The following CYTH1 variants were observed in gnomAD, a reference collection of about 807,000 sequenced individuals.
CYTH1 encodes cytohesin-1.
Under a neutral mutation model 61.8 loss-of-function variants are expected in CYTH1, and 18 were observed. That is an observed-to-expected ratio of 0.29 (90% CI 0.20 to 0.43). The LOEUF (loss-of-function observed/expected upper bound fraction) is 0.43. Among genes scored for constraint, CYTH1 ranks in the 20% least tolerant of loss-of-function variants. CYTH1 has a pLI of 1.00. For missense variants in CYTH1, 336 were observed against 510.5 expected, an observed-to-expected ratio of 0.66 and a Z score of 3.29; for synonymous variants, 174 against 184.3, an observed-to-expected ratio of 0.94 and a Z score of 0.45.
chr17:78,779,556 A>C (rs1277617137), intron 1 of CYTH1, among the ~76,000 whole-genome samples: 2 of 152,194 alleles, frequency 1.3e-5, no homozygotes, highest in Non-Finnish European at 2.9e-5. Flanking sequence ...AAGGGGAATT[A>C]AGGTAACAGA....
intron 1 of CYTH1, among the ~76,000 whole-genome samples, chr17:78,779,023 A>C (rs2093505368): frequency 1.3e-5 from 2 of 152,238 alleles, no homozygotes; most frequent in African/African-American, 2.4e-5. Flanking sequence ...ACCATCAGGT[A>C]CTTTTTGTGT....
intron 11 of CYTH1, chr17:78,691,948 C>CCG (rs2092890850): frequency 6.5e-6 from 1 of 154,080 alleles, no homozygotes. Flanking sequence ...CACTTCACTT[C>CCG]CTTTTCCCCC....
intron 11 of CYTH1, among the ~76,000 whole-genome samples, chr17:78,685,924 C>T (rs186777817): frequency 1.6e-4 from 25 of 152,276 alleles, no homozygotes; most frequent in East Asian, 7.7e-4. Context: ...TCCAACAGAA[C>T]GACCAGACAC....
chr17:78,723,553 C>G (rs993635271), intron 1 of CYTH1: 9 of 152,406 alleles, frequency 5.9e-5, no homozygotes, highest in African/African-American at 2.2e-4. Context: ...CCCTAGCAGA[C>G]GCTCCGAGTG....
At chr17:78,732,028 G>C (rs1296198218) in intron 1 of CYTH1, among the ~76,000 whole-genome samples, 1 of 152,188 alleles carries the variant, frequency 6.6e-6, no homozygotes, top group African/African-American at 2.4e-5. Flanking sequence ...GAAGCACAGG[G>C]AGGGGTGGAT....
intron 1 of CYTH1, chr17:78,727,982 G>T (rs2093275210): frequency 3.8e-6 from 1 of 263,594 alleles, no homozygotes; most frequent in Non-Finnish European, 7.9e-6. Context: ...TGAGAGGGCA[G>T]TGAGTCCCTG....
intron 6 of CYTH1, among the ~76,000 whole-genome samples, chr17:78,701,302 A>C (rs1271337585): frequency 6.6e-6 from 1 of 152,256 alleles, no homozygotes; most frequent in Non-Finnish European, 1.5e-5. Context: ...GATTTAATAA[A>C]AAATTAAGGT....
chr17:78,675,982 G>T lies in CYTH1; in HGVS notation c.*109C>A. 6.5e-7 allele frequency: 1 copy of T among 1,549,378 alleles called. No homozygotes were observed. Among genetic ancestry groups the T allele is most frequent in the Non-Finnish European group, 8.7e-7 (1 of 1,146,038 alleles). Reference sequence around the variant, plus strand: ...CTGAAGCTAGTCTCTAGGAATCCAGGGCGGGGCCTGGCAGAGGACGCTCTG... The same window carrying T: ...CTGAAGCTAGTCTCTAGGAATCCAGTGCGGGGCCTGGCAGAGGACGCTCTG... On this transcript the variant is annotated 3_prime_UTR_variant, in exon 14 of 14. Coordinates refer to ENST00000446868, the MANE Select transcript of CYTH1 (RefSeq NM_004762.6).
At chr17:78,698,214 C>T (rs1018830937) in intron 9 of CYTH1, 55 bp downstream of exon 9, 8 of 1,439,052 alleles carry the variant, frequency 5.6e-6, no homozygotes, top group South Asian at 3.5e-5. Context: ...CGCACACACA[C>T]CGCCTTTCTT....
At chr17:78,758,715 AAAAAAAC>A (rs1224996748) in intron 1 of CYTH1, among the ~76,000 whole-genome samples, 1 of 151,920 alleles carries the variant, frequency 6.6e-6, no homozygotes, top group Non-Finnish European at 1.5e-5. Context: ...ACTCCATCTC[AAAAAAAC>A]AAAAAAGAAA....
intron 1 of CYTH1, among the ~76,000 whole-genome samples, chr17:78,761,094 A>G (rs564198919): frequency 1.3e-5 from 2 of 152,124 alleles, no homozygotes; most frequent in African/African-American, 4.8e-5. Context: ...TCGGCCTCCC[A>G]AAGTGCTGGA....
At chr17:78,692,368 C>T (rs374612374) in intron 11 of CYTH1, 49 bp downstream of exon 11, 17 of 1,583,266 alleles carry the variant, frequency 1.1e-5, no homozygotes, top group Non-Finnish European at 1.4e-5. Context: ...CACTTGGAAC[C>T]GGAGGCCTTG....
At chr17:78,711,314 TACACACACACAC>T (rs71365530) in intron 1 of CYTH1, among the ~76,000 whole-genome samples, 1 of 142,442 alleles carries the variant, frequency 7.0e-6, no homozygotes, top group Non-Finnish European at 1.5e-5. Flanking sequence ...TATATATATA[TACACACACACAC>T]ACACACACAC....
chr17:78,766,040 G>A (rs2093447163), intron 1 of CYTH1, among the ~76,000 whole-genome samples: 1 of 140,478 alleles, frequency 7.1e-6, no homozygotes, highest in Non-Finnish European at 1.5e-5. Context: ...TCTGAGCCCA[G>A]GAGTTTGAGA....
chr17:78,735,833 C>T (rs1463779149), intron 1 of CYTH1, among the ~76,000 whole-genome samples: 1 of 152,222 alleles, frequency 6.6e-6, no homozygotes, highest in Non-Finnish European at 1.5e-5. Context: ...TGCAGCATTA[C>T]AACACCACCA....
In CYTH1 at chr17:78,782,266, C is replaced by G. The variant is rs770864180; in HGVS notation, c.-43G>C. ...CCGCGCTCCGGCTCGCCGCTCGCGT[C>G]CCGCCGCGCCACCCGCGCCCCCGCT... On this transcript the variant is annotated 5_prime_UTR_variant, in exon 1 of 14. Transcript: ENST00000446868. 2.9e-5 allele frequency: 35 copies of G among 1,215,808 alleles called. No individual in the cohort carries two copies. In the Admixed American group the frequency reaches 1.2e-3, roughly 42 times the overall value. 75.3% of individuals were successfully genotyped at this position (1,215,808 alleles called of 1,614,324 possible).
chr17:78,770,514 G>C (rs1218507612), intron 1 of CYTH1, among the ~76,000 whole-genome samples: 1 of 151,808 alleles, frequency 6.6e-6, no homozygotes, highest in Non-Finnish European at 1.5e-5. Context: ...CACTTCCCGG[G>C]TTCAAGCGAT....
intron 1 of CYTH1, among the ~76,000 whole-genome samples, chr17:78,710,150 C>A (rs1336593424): frequency 6.6e-6 from 1 of 152,146 alleles, no homozygotes; most frequent in Non-Finnish European, 1.5e-5. Flanking sequence ...ATGTCCATGA[C>A]CCCCTGAGGT....
At chr17:78,733,215 AAAT>A in intron 1 of CYTH1, among the ~76,000 whole-genome samples, 1 of 152,302 alleles carries the variant, frequency 6.6e-6, no homozygotes, top group African/African-American at 2.4e-5. Flanking sequence ...ATTTTCCTAC[AAAT>A]AATACTAGTT....
Sources: gnomAD v4.1 joint callset for allele counts (sites outside exome capture counted in the v4.1 genomes callset) on GRCh38, gnomAD v4.1.1 for gene constraint, MANE v1.5 for transcripts, NCBI Gene and HGNC (gene_info 2026-07-23, HGNC 2026-07-21) for gene names.